Variants in AKAP6 observed in about 807,000 individuals in gnomAD.
AKAP6 encodes A-kinase anchor protein 6.
A neutral mutation model predicts 188.5 loss-of-function variants in AKAP6; 58 were observed. The observed-to-expected ratio is 0.31, with a 90% CI of 0.25 to 0.38. The LOEUF is 0.38. AKAP6 is among the 10% of genes least tolerant of loss of function. The pLI is 1.00. For missense variants in AKAP6, 2,710 were observed against 2,740.0 expected (o/e 0.99, Z 0.24); for synonymous variants, 989 against 998.6 (o/e 0.99, Z 0.18).
intron 2 of AKAP6, among the ~76,000 whole-genome samples, chr14:32,435,576 A>G (rs1890352516): frequency 6.6e-6 from 1 of 152,194 alleles, no homozygotes. Flanking sequence ...ACCCACCTCC[A>G]TCAGCTCCAT....
At chr14:32,547,786 G>T (rs1463305701) in intron 4 of AKAP6, among the ~76,000 whole-genome samples, 1 of 151,590 alleles carries the variant, frequency 6.6e-6, no homozygotes, top group Non-Finnish European at 1.5e-5. Context: ...TGAGGCTGCA[G>T]TGAGTTGTGG....
chr14:32,563,067 C>T (rs553929764), intron 4 of AKAP6, among the ~76,000 whole-genome samples: 3 of 152,104 alleles, frequency 2.0e-5, no homozygotes, highest in Non-Finnish European at 4.4e-5. Flanking sequence ...CCACCTTGCT[C>T]ATGGTACCAA....
chr14:32,475,058 C>T (rs1459999645), intron 2 of AKAP6, among the ~76,000 whole-genome samples: 4 of 152,170 alleles, frequency 2.6e-5, no homozygotes, highest in African/African-American at 7.2e-5. Context: ...ATTCCTTATA[C>T]AAAGGAATGT....
chr14:32,356,962 C>A (rs989739292), intron 1 of AKAP6, among the ~76,000 whole-genome samples: 1 of 151,948 alleles, frequency 6.6e-6, no homozygotes, highest in South Asian at 2.1e-4. Flanking sequence ...ACATATGCCT[C>A]TAGTAAAATT....
Position 32,773,675 on chromosome 14 carries a change from C to T in AKAP6, c.3373-3C>T. ...CATAGATTGGTTTCTCTCTATGTTG[C>T]AGTCCCTCTGTCGTGAAATCAAGCA... On this transcript the variant is annotated splice_polypyrimidine_tract_variant and splice_region_variant and intron_variant, in intron 11 of 13. Coordinates refer to ENST00000280979, the MANE Select transcript of AKAP6 (RefSeq NM_004274.5). 6.2e-7 allele frequency: 1 copy of T among 1,613,280 alleles called. No homozygotes were observed. The highest frequency in any genetic ancestry group is 8.5e-7 in the Non-Finnish European group (1 of 1,179,532).
chr14:32,531,370 T>C (rs1444402899), intron 2 of AKAP6, among the ~76,000 whole-genome samples: 1 of 152,234 alleles, frequency 6.6e-6, no homozygotes, highest in East Asian at 1.9e-4. Flanking sequence ...GTGCTGATGA[T>C]CACAGTACCG....
intron 1 of AKAP6, among the ~76,000 whole-genome samples, chr14:32,350,760 A>G (rs901168976): frequency 6.6e-6 from 1 of 152,004 alleles, no homozygotes; most frequent in Non-Finnish European, 1.5e-5. Context: ...GTATTAAATG[A>G]ATAAGTAAAT....
intron 4 of AKAP6, among the ~76,000 whole-genome samples, chr14:32,569,794 C>A (rs893277953): frequency 6.6e-6 from 1 of 152,088 alleles, no homozygotes; most frequent in African/African-American, 2.4e-5. Flanking sequence ...CCTAAACAAA[C>A]CTTTACTGTG....
At chr14:32,446,205 A>G (rs1459511914) in intron 2 of AKAP6, among the ~76,000 whole-genome samples, 5 of 152,230 alleles carry the variant, frequency 3.3e-5, no homozygotes, top group Admixed American at 1.3e-4. Flanking sequence ...AAGTGGGTAC[A>G]CAGTTACCTC....
At chr14:32,348,705 G>C (rs571657920) in intron 1 of AKAP6, among the ~76,000 whole-genome samples, 32 of 152,240 alleles carry the variant, frequency 2.1e-4, no homozygotes, top group African/African-American at 7.0e-4. Flanking sequence ...GAGCCACCGT[G>C]CCCAGCCCCA....
intron 1 of AKAP6, among the ~76,000 whole-genome samples, chr14:32,357,918 G>GT (rs1887536267): frequency 6.6e-6 from 1 of 152,154 alleles, no homozygotes; most frequent in Admixed American, 6.5e-5. Context: ...CTTGTATGTG[G>GT]TTTTGCTACC....
At position 32,824,251 on chromosome 14, in the gene AKAP6, A is replaced by G. The variant is rs1408852578; in HGVS notation, c.6438A>G (p.Leu2146=). The change falls in exon 13 of 14, where the codon TTA becomes TTG. Residue 2146 remains leucine, a synonymous_variant. Coordinates refer to ENST00000280979, the MANE Select transcript of AKAP6 (RefSeq NM_004274.5). ...CACTAGACACCACTGACTCGGGCTT[A>G]GATGACAAGGAAGATATTGAATGCT... ...PLPLDTTDSG[L]DDKEDIECFF... 1.9e-6 allele frequency: 3 copies of G among 1,614,000 alleles called. No individual in the cohort carries two copies. In the South Asian group the frequency reaches 3.3e-5, roughly 18 times the overall value.
In AKAP6 at chr14:32,540,192, A is replaced by ATATTTTTTTT. The variant is rs1406480125; in HGVS notation, c.576+4388_576+4389insATTTTTTTTT. On this transcript the variant is annotated intron_variant, in intron 3 of 13. Transcript: ENST00000280979. Reference sequence around the variant, plus strand: ...TCTATATATATATATATATATATATATTTTAATTTTTTATTTTTTTTTTTG... The same window carrying ATATTTTTTTT: ...TCTATATATATATATATATATATATATATTTTTTTTTTTTAATTTTTTATTTTTTTTTTTG... Among the ~76,000 whole-genome samples, 73 of 123,392 alleles carry ATATTTTTTTT rather than the reference A, an allele frequency of 5.9e-4. 3 individuals are homozygous for ATATTTTTTTT. Among genetic ancestry groups the ATATTTTTTTT allele is most frequent in the Non-Finnish European group, 4.9e-4 (29 of 59,016 alleles). 80.9% of individuals were successfully genotyped at this position (123,392 alleles called of 152,430 possible).
chr14:32,513,366 G>A (rs1317820295), intron 2 of AKAP6, among the ~76,000 whole-genome samples: 1 of 152,106 alleles, frequency 6.6e-6, no homozygotes, highest in Non-Finnish European at 1.5e-5. Flanking sequence ...AACAATCAGA[G>A]CAAACACAGT....
At chr14:32,498,813 G>T (rs544829969) in intron 2 of AKAP6, among the ~76,000 whole-genome samples, 2 of 152,258 alleles carry the variant, frequency 1.3e-5, no homozygotes, top group East Asian at 3.9e-4. Context: ...CTCTCAAGGT[G>T]TAAGAGCCAA....
At chr14:32,675,928 T>C (rs41393745) in intron 7 of AKAP6, among the ~76,000 whole-genome samples, 3,484 of 152,282 alleles carry the variant, frequency 0.023, 114 homozygotes, top group African/African-American at 0.079. Flanking sequence ...TTTTCTGTAA[T>C]GGTGTTGAGT....
intron 1 of AKAP6, among the ~76,000 whole-genome samples, chr14:32,373,109 G>A (rs933839729): frequency 2.6e-5 from 4 of 151,326 alleles, no homozygotes; most frequent in African/African-American, 9.7e-5. Flanking sequence ...GGGGGGTGGG[G>A]TATAAGTGTA....
intron 2 of AKAP6, among the ~76,000 whole-genome samples, chr14:32,505,862 C>T (rs927001905): frequency 2.6e-5 from 4 of 152,080 alleles, no homozygotes; most frequent in African/African-American, 9.7e-5. Flanking sequence ...CTTTGAAAGT[C>T]TTACATGGTG....
chr14:32,660,931 C>CG, intron 7 of AKAP6, among the ~76,000 whole-genome samples: 1 of 104,328 alleles, frequency 9.6e-6, no homozygotes, highest in South Asian at 6.0e-4. Context: ...GCCACCCCCC[C>CG]CCCTCCCAAT....
Sources: allele counts gnomAD v4.1 joint callset (sites outside exome capture counted in the v4.1 genomes callset), GRCh38; gene constraint gnomAD v4.1.1; transcripts MANE v1.5; gene names NCBI Gene and HGNC (gene_info 2026-07-23, HGNC 2026-07-21).